Variants in ZNF804B observed in about 807,000 individuals in gnomAD.
The protein encoded by ZNF804B is zinc finger 804B.
In ZNF804B, 80 loss-of-function variants were observed where a neutral mutation model predicts 101.4. That is an observed-to-expected ratio of 0.79 (90% CI 0.66 to 0.95). The LOEUF is 0.95. Ranked by LOEUF, ZNF804B falls within the 40% of genes least tolerant of loss-of-function variation. The probability of loss-of-function intolerance (pLI) is 0.00; values close to 1 mark genes in which losing one functional copy is unlikely to be tolerated. For missense variants in ZNF804B, 1,673 were observed against 1,561.9 expected (o/e 1.07, Z -1.20); for synonymous variants, 622 against 558.8 (o/e 1.11, Z -1.59).
chr7:89,336,555 G>A lies in ZNF804B; in HGVS notation c.3573G>A (p.Pro1191=), dbSNP rs139896198. Residue 1191 remains proline, a synonymous_variant, in exon 4 of 4, where the codon CCG becomes CCA. Coordinates refer to ENST00000333190, the MANE Select transcript of ZNF804B (RefSeq NM_181646.5). ...CTGCAGGGCCTACTGCCTTCTCTCC[G>A]GCCTCAACCGTACAGACAGTTCCAG... ...LPAAGPTAFS[P]ASTVQTVPVH... 53 of 1,613,838 alleles carry A rather than the reference G, an allele frequency of 3.3e-5. No homozygotes were observed. Among genetic ancestry groups the A allele is most frequent in the East Asian group, 4.5e-5 (2 of 44,872 alleles).
intron 1 of ZNF804B, among the ~76,000 whole-genome samples, chr7:89,121,436 AAAAT>A (rs936636411): frequency 1.3e-5 from 2 of 152,190 alleles, no homozygotes; most frequent in African/African-American, 4.8e-5. Flanking sequence ...GCCATGGAAT[AAAAT>A]AAATGATAAT....
intron 1 of ZNF804B, among the ~76,000 whole-genome samples, chr7:88,863,286 C>G (rs915013100): frequency 3.9e-5 from 6 of 152,122 alleles, no homozygotes; most frequent in Non-Finnish European, 8.8e-5. Flanking sequence ...TCCAAATGAC[C>G]CTTCCTCTAC....
At chr7:88,913,896 A>T (rs1230902970) in intron 1 of ZNF804B, among the ~76,000 whole-genome samples, 1 of 152,222 alleles carries the variant, frequency 6.6e-6, no homozygotes, top group East Asian at 1.9e-4. Context: ...GCTAAGAGGC[A>T]ATAACATTAT....
chr7:88,794,565 A>G (rs533500155), intron 1 of ZNF804B: 48 of 1,613,676 alleles, frequency 3.0e-5, no homozygotes, highest in African/African-American at 4.0e-5. Context: ...TCATTTGTTG[A>G]ATAAAAAATA....
rs538661887 is a variant in ZNF804B at position 88,997,694 on chromosome 7, G to A, written c.109-220461G>A. The stretch of plus-strand genomic sequence containing the variant: ...CCAGAAAAAGTGATAGGGCATATCT[G>A]TGGTACTAATTTTTGCTTTATTTCT... On this transcript the variant is annotated intron_variant, in intron 1 of 3. Coordinates refer to ENST00000333190, the MANE Select transcript of ZNF804B (RefSeq NM_181646.5). Among the ~76,000 whole-genome samples, 6 of 152,190 alleles carry A rather than the reference G, an allele frequency of 3.9e-5. No homozygotes were observed. In the South Asian group the frequency reaches 1.2e-3, roughly 32 times the overall value.
chr7:89,073,166 T>A (rs1268947176), intron 1 of ZNF804B, among the ~76,000 whole-genome samples: 1 of 152,182 alleles, frequency 6.6e-6, no homozygotes, highest in Non-Finnish European at 1.5e-5. Flanking sequence ...GCACTGGAAG[T>A]CAGCATAGGC....
rs536268493 is a variant in ZNF804B, at chr7:89,280,390, G to A, written c.250-46954G>A. 3.3e-5 allele frequency among the ~76,000 whole-genome samples: 5 copies of A among 151,940 alleles called. No homozygotes were observed. The East Asian group carries it at 9.6e-4, about 29-fold the overall frequency. ...AAACACATTCAAAAGCTAGCAGTAG[G>A]CAAGAAATAACTAAAATCAGAGCAG... On this transcript the variant is annotated intron_variant, in intron 2 of 3. Coordinates refer to ENST00000333190, the MANE Select transcript of ZNF804B (RefSeq NM_181646.5).
intron 1 of ZNF804B, among the ~76,000 whole-genome samples, chr7:88,962,741 A>G: frequency 2.3e-5 from 3 of 129,188 alleles, no homozygotes; most frequent in Admixed American, 7.8e-5. Flanking sequence ...ATATATATAT[A>G]TATATATGAA....
intron 1 of ZNF804B, among the ~76,000 whole-genome samples, chr7:89,194,068 G>A (rs1788504900): frequency 6.6e-6 from 1 of 152,094 alleles, no homozygotes; most frequent in Non-Finnish European, 1.5e-5. Context: ...GGCCAGTGAT[G>A]GTGAGCATTT....
chr7:88,877,010 ATATATATATATATATAATATATATAT>A (rs1791951783), intron 1 of ZNF804B, among the ~76,000 whole-genome samples: 2 of 62,044 alleles, frequency 3.2e-5, no homozygotes, highest in Admixed American at 1.9e-4. Flanking sequence ...AAAAAAAAAT[ATATATATATATATATAATATATATAT>A]ATATATATAT....
In ZNF804B at chr7:89,327,953, T is replaced by C. The variant is rs566852821; in HGVS notation, c.380+479T>C. On this transcript the variant is annotated intron_variant, in intron 3 of 3. Transcript: ENST00000333190. ...AATTTACCACACAGTGCCATTTAAATTGATAATTATAATATAACAAGTTTT... is the reference window on the plus strand; with the variant it reads ...AATTTACCACACAGTGCCATTTAAACTGATAATTATAATATAACAAGTTTT... 1.2e-4 allele frequency among the ~76,000 whole-genome samples: 19 copies of C among 152,054 alleles called. 1 individual carries two copies. In the East Asian group the frequency reaches 3.7e-3, roughly 29 times the overall value.
intron 1 of ZNF804B, among the ~76,000 whole-genome samples, chr7:88,769,812 T>C (rs1790035898): frequency 1.3e-5 from 2 of 152,196 alleles, no homozygotes. Context: ...AGTTTATCAG[T>C]CACATACTTT....
At chr7:88,822,306 T>C (rs1414086482) in intron 1 of ZNF804B, among the ~76,000 whole-genome samples, 1 of 152,220 alleles carries the variant, frequency 6.6e-6, no homozygotes, top group African/African-American at 2.4e-5. Context: ...TCAACCTCGA[T>C]TAACCTCATG....
intron 1 of ZNF804B, among the ~76,000 whole-genome samples, chr7:88,802,844 C>T (rs1232900763): frequency 6.6e-6 from 1 of 151,864 alleles, no homozygotes; most frequent in Admixed American, 6.6e-5. Flanking sequence ...ACAAGATAAC[C>T]GTCTATATTT....
At chr7:88,972,541 G>C (rs1793553663) in intron 1 of ZNF804B, among the ~76,000 whole-genome samples, 1 of 151,106 alleles carries the variant, frequency 6.6e-6, no homozygotes, top group Non-Finnish European at 1.5e-5. Context: ...GTAGGATTGT[G>C]ATAGAAAAAA....
chr7:89,280,629 C>T (rs1291554064), intron 2 of ZNF804B, among the ~76,000 whole-genome samples: 1 of 152,218 alleles, frequency 6.6e-6, no homozygotes, highest in Admixed American at 6.5e-5. Flanking sequence ...ACAAACACCT[C>T]TATGCAAATA....
At chr7:89,319,324 C>T (rs550580019) in intron 2 of ZNF804B, among the ~76,000 whole-genome samples, 2 of 152,104 alleles carry the variant, frequency 1.3e-5, no homozygotes, top group Admixed American at 6.6e-5. Flanking sequence ...ACAACTTCTC[C>T]TTTACCATAA....
chr7:89,317,468 G>T (rs1189101847), intron 2 of ZNF804B, among the ~76,000 whole-genome samples: 2 of 152,236 alleles, frequency 1.3e-5, no homozygotes, highest in Non-Finnish European at 2.9e-5. Flanking sequence ...ACTGGACTAA[G>T]TGAGGGCTAC....
intron 1 of ZNF804B, among the ~76,000 whole-genome samples, chr7:89,053,559 T>A (rs940913391): frequency 6.6e-6 from 1 of 152,100 alleles, no homozygotes; most frequent in Non-Finnish European, 1.5e-5. Context: ...TTTGCATAAA[T>A]GTTACTATAT....
Sources: allele counts gnomAD v4.1 joint callset (sites outside exome capture counted in the v4.1 genomes callset), GRCh38; gene constraint gnomAD v4.1.1; transcripts MANE v1.5; gene names NCBI Gene and HGNC (gene_info 2026-07-23, HGNC 2026-07-21).